The following NRG3 variants were observed in gnomAD, a reference collection of about 807,000 sequenced individuals.
NRG3 encodes neuregulin 3.
In NRG3, 31 loss-of-function variants were observed where a neutral mutation model predicts 66.9. That is an observed-to-expected ratio of 0.46 (90% CI 0.35 to 0.63). The LOEUF is 0.63. Ranked by LOEUF, NRG3 falls within the 20% of genes least tolerant of loss-of-function variation. The probability of loss-of-function intolerance (pLI) is 0.00; values close to 1 mark genes in which losing one functional copy is unlikely to be tolerated. For missense variants in NRG3, 910 were observed against 878.9 expected (o/e 1.04, Z -0.45); for synonymous variants, 393 against 359.4 (o/e 1.09, Z -1.06).
chr10:82,085,962 C>T (rs1257797156), intron 1 of NRG3, among the ~76,000 whole-genome samples: 4 of 152,034 alleles, frequency 2.6e-5, no homozygotes, highest in African/African-American at 9.7e-5. Flanking sequence ...TTAGGGGTCC[C>T]ACCTCTTAGC....
In NRG3 at chr10:82,500,976, G is replaced by A. The variant is rs563353088; in HGVS notation, c.953+142108G>A. On this transcript the variant is annotated intron_variant, in intron 2 of 8. Transcript: ENST00000372141. ...GGTAGACAATTGGGGGTATAATGTC[G>A]TTAAATAAGATAGGGAAAAGAATAT... Among the ~76,000 whole-genome samples, 87 of 152,142 alleles carry A rather than the reference G, an allele frequency of 5.7e-4. No homozygotes were observed. The South Asian group carries it at 6.0e-3, about 11-fold the overall frequency.
chr10:81,918,470 C>T (rs1021829368), intron 1 of NRG3, among the ~76,000 whole-genome samples: 4 of 152,102 alleles, frequency 2.6e-5, no homozygotes, highest in East Asian at 1.9e-4. Context: ...CTTTTTATCA[C>T]GTACAAAAGA....
chr10:81,906,903 G>A (rs916607167), intron 1 of NRG3, among the ~76,000 whole-genome samples: 1 of 152,036 alleles, frequency 6.6e-6, no homozygotes, highest in South Asian at 2.1e-4. Context: ...GAGCAGTGAG[G>A]GTCTAGAGGA....
At chr10:82,305,765 A>G (rs2080690938) in intron 1 of NRG3, among the ~76,000 whole-genome samples, 2 of 152,174 alleles carry the variant, frequency 1.3e-5, no homozygotes, top group Admixed American at 1.3e-4. Flanking sequence ...ATTCTCTTGG[A>G]TTTTCTACTT....
intron 3 of NRG3, among the ~76,000 whole-genome samples, chr10:82,768,498 C>T (rs959653221): frequency 9.2e-5 from 14 of 152,060 alleles, no homozygotes; most frequent in Middle Eastern, 3.2e-3. Context: ...TGGTTAATCC[C>T]TCATCCTTAG....
intron 1 of NRG3, among the ~76,000 whole-genome samples, chr10:81,907,372 A>T (rs1214979574): frequency 1.3e-5 from 2 of 152,204 alleles, no homozygotes; most frequent in African/African-American, 4.8e-5. Flanking sequence ...AAGAGAAAAA[A>T]ATTATCACCA....
chr10:82,278,220 A>T (rs904162556), intron 1 of NRG3, among the ~76,000 whole-genome samples: 1 of 151,914 alleles, frequency 6.6e-6, no homozygotes, highest in African/African-American at 2.4e-5. Context: ...ATTTTTTTTT[A>T]AAGCGTTCTT....
intron 1 of NRG3, among the ~76,000 whole-genome samples, chr10:82,227,691 G>A (rs2076237073): frequency 1.3e-5 from 2 of 152,062 alleles, no homozygotes; most frequent in South Asian, 2.1e-4. Context: ...TTCAATAAAT[G>A]ATTTTTAAAT....
intron 2 of NRG3, among the ~76,000 whole-genome samples, chr10:82,394,805 C>T (rs1045642342): frequency 1.3e-5 from 2 of 152,078 alleles, no homozygotes; most frequent in Non-Finnish European, 1.5e-5. Flanking sequence ...TAGATGAGGA[C>T]CTGAGGTCCT....
intron 1 of NRG3, among the ~76,000 whole-genome samples, chr10:82,235,199 G>A (rs111344641): frequency 0.039 from 5,896 of 152,264 alleles, 175 homozygotes; most frequent in African/African-American, 0.086. Flanking sequence ...GAACACAGCT[G>A]CACCCTTTCA....
chr10:82,456,382 G>C (rs1237342122), intron 2 of NRG3, among the ~76,000 whole-genome samples: 1 of 151,886 alleles, frequency 6.6e-6, no homozygotes, highest in Non-Finnish European at 1.5e-5. Flanking sequence ...GCCCAGGCTG[G>C]TATCGAACTC....
At chr10:82,636,220 CAT>C (rs57144496) in intron 2 of NRG3, among the ~76,000 whole-genome samples, 92,816 of 147,878 alleles carry the variant, frequency 0.63, 28,520 homozygotes, top group Middle Eastern at 0.71. Flanking sequence ...TGTCTATCTA[CAT>C]ATGTGTGTGT....
intron 1 of NRG3, among the ~76,000 whole-genome samples, chr10:82,294,668 C>T (rs1043757111): frequency 6.6e-6 from 1 of 152,160 alleles, no homozygotes; most frequent in Non-Finnish European, 1.5e-5. Context: ...GCTCCAGCTT[C>T]ACCACATGAT....
chr10:82,728,054 C>T (rs1365094264), intron 2 of NRG3, among the ~76,000 whole-genome samples: 1 of 152,112 alleles, frequency 6.6e-6, no homozygotes, highest in Non-Finnish European at 1.5e-5. Flanking sequence ...TGCCTGTGCC[C>T]CCAGTGTATC....
intron 2 of NRG3, among the ~76,000 whole-genome samples, chr10:82,722,309 G>A (rs1052000193): frequency 7.9e-5 from 12 of 152,176 alleles, no homozygotes; most frequent in African/African-American, 2.9e-4. Context: ...ACCTGCACTT[G>A]CATCTATCTG....
chr10:82,794,475 T>C (rs2060715758), intron 3 of NRG3, among the ~76,000 whole-genome samples: 1 of 152,228 alleles, frequency 6.6e-6, no homozygotes, highest in Admixed American at 6.5e-5. Context: ...TCAGCCGAGC[T>C]GTGCAATTTT....
intron 2 of NRG3, among the ~76,000 whole-genome samples, chr10:82,697,353 A>C (rs2055471841): frequency 6.6e-6 from 1 of 152,180 alleles, no homozygotes; most frequent in African/African-American, 2.4e-5. Flanking sequence ...AACTGAAGAA[A>C]AGTTTTGTAA....
intron 2 of NRG3, among the ~76,000 whole-genome samples, chr10:82,410,276 T>C (rs1564890689): frequency 6.6e-6 from 1 of 152,040 alleles, no homozygotes; most frequent in African/African-American, 2.4e-5. Flanking sequence ...TCTTATCTTA[T>C]GTATTATTAT....
At chr10:82,950,578 A>G (rs1220550677) in intron 4 of NRG3, among the ~76,000 whole-genome samples, 3 of 152,172 alleles carry the variant, frequency 2.0e-5, no homozygotes, top group African/African-American at 4.8e-5. Flanking sequence ...TATTTTGCCA[A>G]ATAGGTAGAA....
Sources: allele counts gnomAD v4.1 joint callset (sites outside exome capture counted in the v4.1 genomes callset), GRCh38; gene constraint gnomAD v4.1.1; transcripts MANE v1.5; gene names NCBI Gene and HGNC (gene_info 2026-07-23, HGNC 2026-07-21).